GMDS: variants seen among roughly 807,000 people sequenced by gnomAD.
GMDS encodes GDP-mannose 4,6-dehydratase.
A neutral mutation model predicts 49.9 loss-of-function variants in GMDS; 20 were observed. That is an observed-to-expected ratio of 0.40 (90% CI 0.28 to 0.58). GMDS has a LOEUF of 0.58. GMDS is among the 20% of genes least tolerant of loss of function. The pLI is 0.42. For missense variants in GMDS, 362 were observed against 481.4 expected, an observed-to-expected ratio of 0.75 and a Z score of 2.32; for synonymous variants, 177 against 178.6, an observed-to-expected ratio of 0.99 and a Z score of 0.07.
chr6:1,984,994 C>A (rs1765457642), intron 4 of GMDS, among the ~76,000 whole-genome samples: 1 of 152,118 alleles, frequency 6.6e-6, no homozygotes, highest in African/African-American at 2.4e-5. Flanking sequence ...AACAGGGTAA[C>A]AGCTAAAAGC....
intron 1 of GMDS, among the ~76,000 whole-genome samples, chr6:2,174,636 C>T (rs1277810505): frequency 1.3e-5 from 2 of 151,872 alleles, no homozygotes; most frequent in African/African-American, 2.4e-5. Flanking sequence ...GGTGCGATCT[C>T]GGCTCACTAC....
At chr6:1,673,234 C>T (rs1355986584) in intron 9 of GMDS, among the ~76,000 whole-genome samples, 1 of 152,164 alleles carries the variant, frequency 6.6e-6, no homozygotes, top group African/African-American at 2.4e-5. Flanking sequence ...ACTGTGGCTG[C>T]TTGGTTCAAC....
chr6:2,127,745 GGGACT>G (rs572766938), intron 1 of GMDS, among the ~76,000 whole-genome samples: 390 of 152,320 alleles, frequency 2.6e-3, no homozygotes, highest in Non-Finnish European at 4.2e-3. Flanking sequence ...AGGCCCCTGG[GGGACT>G]CCAGGAGAGA....
chr6:1,989,134 G>A (rs1467370533), intron 4 of GMDS, among the ~76,000 whole-genome samples: 1 of 152,214 alleles, frequency 6.6e-6, no homozygotes, highest in Non-Finnish European at 1.5e-5. Context: ...AGGTCATGGG[G>A]GTATGGGAAT....
At chr6:1,928,733 C>T (rs1581377105) in intron 7 of GMDS, among the ~76,000 whole-genome samples, 1 of 152,240 alleles carries the variant, frequency 6.6e-6, no homozygotes, top group Non-Finnish European at 1.5e-5. Context: ...CTTTGGGAGG[C>T]TAAGGCGGGT....
intron 7 of GMDS, among the ~76,000 whole-genome samples, chr6:1,892,832 TGACTG>T (rs1296944953): frequency 6.6e-6 from 1 of 152,236 alleles, no homozygotes; most frequent in African/African-American, 2.4e-5. Context: ...TGGCCTACTG[TGACTG>T]GACACGCATT....
At chr6:2,069,294 G>C (rs1771828709) in intron 4 of GMDS, among the ~76,000 whole-genome samples, 1 of 152,134 alleles carries the variant, frequency 6.6e-6, no homozygotes, top group Non-Finnish European at 1.5e-5. Flanking sequence ...TTAAACGTTA[G>C]ATCTAAAACG....
intron 1 of GMDS, among the ~76,000 whole-genome samples, chr6:2,132,394 C>T (rs997990422): frequency 6.6e-6 from 1 of 152,132 alleles, no homozygotes; most frequent in Non-Finnish European, 1.5e-5. Flanking sequence ...TTAGTCCCTG[C>T]CCTATTGCTC....
chr6:2,000,010 T>TATATATATATTATATATAATA lies in GMDS; in HGVS notation c.346-39045_346-39044insTATTATATATAATATATATAT, dbSNP rs1561962117. ...ATATATATATATTATATATATATATTTTTTATATATATATATATCTATATC... is the reference window on the plus strand; with the variant it reads ...ATATATATATATTATATATATATATTATATATATATTATATATAATATTTTATATATATATATATCTATATC... On this transcript the variant is annotated intron_variant, in intron 4 of 10. Transcript: ENST00000380815. Among the ~76,000 whole-genome samples the TATATATATATTATATATAATA allele has an allele frequency of 7.6e-4, 5 of 6,568 alleles. 1 individual carries two copies. In the East Asian group the frequency reaches 0.047, roughly 62 times the overall value. The allele number at this position is 6,568 out of a possible 152,430, so 4.3% of individuals were successfully genotyped here.
chr6:2,146,028 A>C (rs564917910), intron 1 of GMDS, among the ~76,000 whole-genome samples: 4 of 152,382 alleles, frequency 2.6e-5, no homozygotes, highest in African/African-American at 9.6e-5. Context: ...ACAAAACATA[A>C]GTCACCAGTA....
At position 2,107,999 on chromosome 6, in the gene GMDS, CAAG is replaced by C. The variant is rs1774337901; in HGVS notation, c.345+7769_345+7771del. On this transcript the variant is annotated intron_variant, in intron 4 of 10. Coordinates refer to ENST00000380815, the MANE Select transcript of GMDS (RefSeq NM_001500.4). ...GAGCACATCTAAAAATTACATAAGA[CAAG>C]AAAACAATGAGTTTTAAAACTCATA... Among the ~76,000 whole-genome samples, 3 of 152,164 alleles carry C rather than the reference CAAG, an allele frequency of 2.0e-5. No homozygotes were observed. In the South Asian group the frequency reaches 6.2e-4, roughly 32 times the overall value.
At chr6:1,887,614 T>G (rs1293201517) in intron 7 of GMDS, among the ~76,000 whole-genome samples, 1 of 152,222 alleles carries the variant, frequency 6.6e-6, no homozygotes, top group Non-Finnish European at 1.5e-5. Context: ...CCTTTAAATC[T>G]TAAGATTTGC....
At chr6:2,073,858 C>A (rs1772160347) in intron 4 of GMDS, among the ~76,000 whole-genome samples, 2 of 152,088 alleles carry the variant, frequency 1.3e-5, no homozygotes, top group South Asian at 4.2e-4. Context: ...TGTTTTACGG[C>A]CAAATAATAT....
intron 4 of GMDS, among the ~76,000 whole-genome samples, chr6:1,995,938 T>C (rs1165272291): frequency 1.3e-5 from 2 of 152,186 alleles, no homozygotes; most frequent in African/African-American, 4.8e-5. Context: ...AATAGACACA[T>C]GCTAACTCAA....
intron 4 of GMDS, among the ~76,000 whole-genome samples, chr6:2,039,006 A>G (rs1454277163): frequency 6.6e-6 from 1 of 152,198 alleles, no homozygotes; most frequent in Admixed American, 6.5e-5. Flanking sequence ...TTCATCGTGC[A>G]AACATCATGG....
At chr6:1,952,036 CTTCTCCTAGGATTAT>C in intron 6 of GMDS, 1 of 969,944 alleles carries the variant, frequency 1.0e-6, no homozygotes. Context: ...ATTTACATGA[CTTCTCCTAGGATTAT>C]TTCTGGTCTC....
chr6:2,065,333 C>T lies in GMDS; in HGVS notation c.345+50438G>A, dbSNP rs538347875. Among the ~76,000 whole-genome samples, 168 of 152,218 alleles carry T rather than the reference C, an allele frequency of 1.1e-3. 2 individuals are homozygous for T. The East Asian group carries it at 0.018, about 16-fold the overall frequency. On this transcript the variant is annotated intron_variant, in intron 4 of 10. Transcript: ENST00000380815. ...CCACAAAGACGGGGAAAAAACACAG[C>T]AGAAAAACTGGAAACTCTAAAAAGC...
intron 4 of GMDS, among the ~76,000 whole-genome samples, chr6:2,003,879 G>A (rs931712963): frequency 6.6e-6 from 1 of 152,064 alleles, no homozygotes; most frequent in South Asian, 2.1e-4. Context: ...CTTTGCCCAA[G>A]ACAGCTATTT....
intron 1 of GMDS, among the ~76,000 whole-genome samples, chr6:2,174,455 A>G (rs1778170813): frequency 6.6e-6 from 1 of 152,218 alleles, no homozygotes; most frequent in Non-Finnish European, 1.5e-5. Flanking sequence ...AGACCATGCT[A>G]AATTTTTTAA....
Sources: gnomAD v4.1 joint callset for allele counts (sites outside exome capture counted in the v4.1 genomes callset) on GRCh38, gnomAD v4.1.1 for gene constraint, MANE v1.5 for transcripts, NCBI Gene and HGNC (gene_info 2026-07-23, HGNC 2026-07-21) for gene names.